Variants in TBCK observed in about 807,000 individuals in gnomAD.
TBCK encodes the protein TBC1 domain containing kinase, also known as TBC domain-containing protein kinase-like protein.
In TBCK, 99 loss-of-function variants were observed where a neutral mutation model predicts 113.4. The ratio of observed to expected loss-of-function variants is 0.87; its 90% CI spans 0.74 to 1.03. The LOEUF is 1.03. TBCK is among the 50% of genes least tolerant of loss of function. The pLI is 0.00. For synonymous variants in TBCK, 369 were observed against 370.8 expected (o/e 1.00, Z 0.05); for missense variants, 1,045 against 1,061.3 (o/e 0.98, Z 0.21).
intron 22 of TBCK, among the ~76,000 whole-genome samples, chr4:106,179,462 A>T (rs1752073948): frequency 6.6e-6 from 1 of 151,942 alleles, no homozygotes; most frequent in South Asian, 2.1e-4. Flanking sequence ...TTTTCTGTTA[A>T]ATACAGGAAT....
intron 3 of TBCK, among the ~76,000 whole-genome samples, chr4:106,264,439 C>CAGT (rs1762796177): frequency 6.6e-6 from 1 of 151,892 alleles, no homozygotes; most frequent in Non-Finnish European, 1.5e-5. Flanking sequence ...TCAGTGCGTG[C>CAGT]AGTAGAATGA....
intron 22 of TBCK, among the ~76,000 whole-genome samples, chr4:106,181,153 G>A (rs924659516): frequency 1.4e-4 from 21 of 152,102 alleles, no homozygotes; most frequent in African/African-American, 5.1e-4. Context: ...TCTGTTGGCT[G>A]CATAAATGTC....
At chr4:106,234,276 A>C (rs2150002400) in intron 15 of TBCK, among the ~76,000 whole-genome samples, 1 of 152,246 alleles carries the variant, frequency 6.6e-6, no homozygotes, top group African/African-American at 2.4e-5. Flanking sequence ...CTTTAGCATT[A>C]TATTGTTCTA....
At chr4:106,183,367 C>T (rs1316155157) in intron 22 of TBCK, among the ~76,000 whole-genome samples, 2 of 152,002 alleles carry the variant, frequency 1.3e-5, no homozygotes, top group African/African-American at 4.8e-5. Flanking sequence ...ATCACTACCA[C>T]CAGTACCACC....
In TBCK at chr4:106,236,505, G is replaced by A; in HGVS notation, c.1235C>T (p.Pro412Leu). The change falls in exon 14 of 26, where the codon CCT becomes CTT. Residue 412 changes from proline to leucine, a missense_variant. Physicochemically the swap from Pro to Leu is moderately conservative, Grantham distance 98. Coordinates refer to ENST00000394708, the MANE Select transcript of TBCK (RefSeq NM_001163435.3). ...PLLEDDQSNL[P>L]HSNSNNELSA... ...CAACTCATTATTGCTGTTTGAATGA[G>A]GTAAATTAGACTGGCTGTAAAAGAG... The A allele has an allele frequency of 1.9e-6, 3 of 1,546,662 alleles. No homozygotes were observed. Among genetic ancestry groups the A allele is most frequent in the Non-Finnish European group, 2.6e-6 (3 of 1,148,062 alleles).
chr4:106,093,543 G>C (rs1293970900), intron 25 of TBCK, among the ~76,000 whole-genome samples: 1 of 152,124 alleles, frequency 6.6e-6, no homozygotes, highest in Non-Finnish European at 1.5e-5. Context: ...GCTGCTATCA[G>C]TCCTGTACTT....
At chr4:106,080,873 A>G (rs1035749145) in intron 25 of TBCK, among the ~76,000 whole-genome samples, 7 of 152,206 alleles carry the variant, frequency 4.6e-5, no homozygotes, top group African/African-American at 1.4e-4. Context: ...ATGAACAGAT[A>G]CCTCTCAAAA....
At chr4:106,282,716 T>C (rs1764727198) in intron 3 of TBCK, among the ~76,000 whole-genome samples, 2 of 152,142 alleles carry the variant, frequency 1.3e-5, no homozygotes, top group Admixed American at 6.6e-5. Context: ...ACTGGGTAAT[T>C]TATAAAGAAA....
intron 2 of TBCK, among the ~76,000 whole-genome samples, chr4:106,299,797 C>T (rs1251642630): frequency 6.6e-6 from 1 of 152,040 alleles, no homozygotes; most frequent in Admixed American, 6.6e-5. Context: ...AATGTAGTAG[C>T]ATTATTTATA....
At chr4:106,117,932 C>A (rs28621384) in intron 23 of TBCK, among the ~76,000 whole-genome samples, 1 of 151,698 alleles carries the variant, frequency 6.6e-6, no homozygotes, top group Non-Finnish European at 1.5e-5. Flanking sequence ...TGGCGTGAAC[C>A]CGGGAGGCGG....
At chr4:106,116,113 T>A (rs79018134) in intron 24 of TBCK, 90 bp downstream of exon 24, 2 of 498,274 alleles carry the variant, frequency 4.0e-6, no homozygotes, top group Non-Finnish European at 5.9e-6. Context: ...AATCCCAGAA[T>A]TTTTTTTTTT....
At chr4:106,201,248 A>G (rs1754857863) in intron 20 of TBCK, among the ~76,000 whole-genome samples, 1 of 151,876 alleles carries the variant, frequency 6.6e-6, no homozygotes, top group African/African-American at 2.4e-5. Context: ...AATGTCTATT[A>G]TTTTTTCTTT....
Position 106,212,849 on chromosome 4 carries a change from G to C in TBCK, c.1775-14C>G, listed in dbSNP as rs769418205. On this transcript the variant is annotated splice_polypyrimidine_tract_variant and intron_variant, in intron 19 of 25. Coordinates refer to ENST00000394708, the MANE Select transcript of TBCK (RefSeq NM_001163435.3). ...CAGTCAGATACTCTGAAATTACAAA[G>C]TTTGAGACAATCATCATTTTTACAC... is the stretch of plus-strand genomic sequence containing the variant. 12 of 1,566,400 alleles carry C rather than the reference G, an allele frequency of 7.7e-6. No individual in the cohort carries two copies. Among genetic ancestry groups the C allele is most frequent in the Non-Finnish European group, 1.1e-5 (12 of 1,139,448 alleles).
intron 22 of TBCK, among the ~76,000 whole-genome samples, chr4:106,192,073 T>C (rs1002977819): frequency 1.1e-4 from 17 of 152,062 alleles, no homozygotes; most frequent in Non-Finnish European, 2.2e-4. Flanking sequence ...TTTAAAGACA[T>C]AGAATAATTT....
chr4:106,233,056 C>T lies in TBCK; in HGVS notation c.1521G>A (p.Val507=), dbSNP rs1290707034. The T allele has an allele frequency of 1.9e-6, 3 of 1,610,532 alleles. No homozygotes were observed. The highest frequency in any genetic ancestry group is 2.2e-5 in the South Asian group (2 of 90,770). ...TPIPTDRQIE[V]DIPRCHQYDE... ...CGTACTGATGACAGCGAGGAATATC[C>T]ACTTCAATCTGTTAAAATAGCAAAA... The change falls in exon 17 of 26, where the codon GTG becomes GTA. Residue 507 remains valine, a synonymous_variant. Transcript: ENST00000394708.
chr4:106,108,407 C>G (rs1742431432), intron 24 of TBCK, among the ~76,000 whole-genome samples: 2 of 152,266 alleles, frequency 1.3e-5, no homozygotes, highest in South Asian at 4.1e-4. Flanking sequence ...AGCTGCTTCA[C>G]CATGATCAAG....
At chr4:106,316,485 T>C (rs1277716165), upstream of TBCK, 1 of 1,507,836 alleles carries the variant, frequency 6.6e-7, no homozygotes, top group African/African-American at 1.4e-5. Context: ...CACTCAGGCT[T>C]TCAGCAAGGA....
At chr4:106,176,919 T>C (rs200715401) in intron 22 of TBCK, among the ~76,000 whole-genome samples, 1 of 151,890 alleles carries the variant, frequency 6.6e-6, no homozygotes, top group Admixed American at 6.6e-5. Flanking sequence ...TAATTAGTGA[T>C]ATTGAGTACT....
chr4:106,183,414 C>T (rs1579160802), intron 22 of TBCK, among the ~76,000 whole-genome samples: 1 of 152,002 alleles, frequency 6.6e-6, no homozygotes, highest in South Asian at 2.1e-4. Flanking sequence ...TCTCTCTCAA[C>T]CTATCCTCTA....
Sources: allele counts gnomAD v4.1 joint callset (sites outside exome capture counted in the v4.1 genomes callset), GRCh38; gene constraint gnomAD v4.1.1; transcripts MANE v1.5; gene names NCBI Gene and HGNC (gene_info 2026-07-23, HGNC 2026-07-21).